The following GGA3 variants were observed in gnomAD, a reference collection of about 807,000 sequenced individuals.
GGA3 encodes ADP-ribosylation factor-binding protein GGA3.
GGA3 carries 57 observed loss-of-function variants against 77.5 expected under a neutral mutation model. That is an observed-to-expected ratio of 0.74 (90% CI 0.59 to 0.92). The LOEUF (loss-of-function observed/expected upper bound fraction) is 0.92. GGA3 is among the 40% of genes least tolerant of loss of function. GGA3 has a pLI of 0.00. For synonymous variants in GGA3, 416 were observed against 383.7 expected (o/e 1.08, Z -0.98); for missense variants, 970 against 914.9 (o/e 1.06, Z -0.78).
intron 6 of GGA3, 74 bp downstream of exon 6, chr17:75,242,989 C>T: frequency 2.0e-6 from 3 of 1,487,020 alleles, no homozygotes; most frequent in Non-Finnish European, 2.8e-6. Context: ...CTCCCCGCAG[C>T]ACAGTGCAAA....
chr17:75,240,308 C>G (rs199858640), intron 12 of GGA3, 34 bp downstream of exon 12: 245 of 1,457,578 alleles, frequency 1.7e-4, no homozygotes, highest in Non-Finnish European at 2.1e-4. Context: ...AGGTCCTTGG[C>G]ACAGTAGTGC....
In GGA3 at chr17:75,237,594, T is replaced by G; in HGVS notation, c.*685A>C. 1 of 1,533,976 alleles carries G rather than the reference T, an allele frequency of 6.5e-7. No individual in the cohort carries two copies. The highest frequency in any genetic ancestry group is 8.7e-7 in the Non-Finnish European group (1 of 1,145,632). On this transcript the variant is annotated 3_prime_UTR_variant, in exon 17 of 17. Coordinates refer to ENST00000537686, the MANE Select transcript of GGA3 (RefSeq NM_138619.4). ...TTCCTATCCCTAGTTGGGCCTGTCA[T>G]GAGGCCAAATTCCATGTCCTGCCAA...
intron 1 of GGA3, among the ~76,000 whole-genome samples, chr17:75,252,912 C>G (rs936460393): frequency 2.6e-5 from 4 of 152,200 alleles, no homozygotes; most frequent in Non-Finnish European, 5.9e-5. Flanking sequence ...TATCCCAAAA[C>G]CTATAAGAAC....
rs2076615516 is a variant in GGA3, at chr17:75,242,913, TGA to T, written c.529-4_529-3del. ...GCTTTTCAGCAGCTTGGCTAAAAGC[TGA>T]GAGAGGAGGAAATCAGAGGTGAAGG... is the stretch of plus-strand genomic sequence containing the variant. On this transcript the variant is annotated splice_region_variant and splice_polypyrimidine_tract_variant and intron_variant, in intron 6 of 16. Coordinates refer to ENST00000537686, the MANE Select transcript of GGA3 (RefSeq NM_138619.4). The T allele has an allele frequency of 2.5e-6, 4 of 1,612,116 alleles. No individual in the cohort carries two copies. Among genetic ancestry groups the T allele is most frequent in the Non-Finnish European group, 2.5e-6 (3 of 1,178,294 alleles).
rs1187457448 is a variant in GGA3 at position 75,240,049 on chromosome 17, G to A, written c.1323C>T (p.Ala441=). The A allele has an allele frequency of 6.4e-7, 1 of 1,552,106 alleles. No individual in the cohort carries two copies. The highest frequency in any genetic ancestry group is 2.4e-5 in the East Asian group (1 of 41,258). The change falls in exon 13 of 17, where the codon GCC becomes GCT. Residue 441 remains alanine (A), a synonymous_variant. Coordinates refer to ENST00000537686, the MANE Select transcript of GGA3 (RefSeq NM_138619.4). ...SPRPGTAACG[A]SDAPLLQPSA... is the part of the protein sequence containing the mutation. Reference sequence around the variant, plus strand: ...AGGGCTGGAGCAGAGGAGCATCGGAGGCGCCACAGGCAGCGGTCCCCGGCC... The same window carrying A: ...AGGGCTGGAGCAGAGGAGCATCGGAAGCGCCACAGGCAGCGGTCCCCGGCC...
At position 75,237,503 on chromosome 17, in the gene GGA3, C is replaced by A; in HGVS notation, c.*776G>T. ...TGGCCTGTCCCCACGGCTGGAGGCA[C>A]GCTTTTCCCAGAAAGCTGAGTACCT... On this transcript the variant is annotated 3_prime_UTR_variant, in exon 17 of 17. Transcript: ENST00000537686. The A allele has an allele frequency of 6.5e-7, 1 of 1,535,904 alleles. No individual in the cohort carries two copies. Among genetic ancestry groups the A allele is most frequent in the Non-Finnish European group, 8.7e-7 (1 of 1,146,746 alleles).
rs753281600 is a variant in GGA3 at position 75,239,850 on chromosome 17, A to G, written c.1522T>C (p.Leu508=). 5.0e-6 allele frequency: 8 copies of G among 1,613,876 alleles called. No homozygotes were observed. The African/African-American group carries it at 9.3e-5, about 19-fold the overall frequency. The change falls in exon 13 of 17, where the codon TTG becomes CTG. Residue 508 remains leucine, a synonymous_variant. Coordinates refer to ENST00000537686, the MANE Select transcript of GGA3 (RefSeq NM_138619.4). The stretch of plus-strand genomic sequence containing the variant: ...AGGTGGTGCAGCGCGCTGTTGCCCA[A>G]CGCCAAGCCATGGTGCCCAGGGACT... ...PAVPGHHGLA[L]GNSALHHLDA...
intron 1 of GGA3, among the ~76,000 whole-genome samples, chr17:75,250,491 G>A (rs2076923307): frequency 6.6e-6 from 1 of 152,166 alleles, no homozygotes; most frequent in African/African-American, 2.4e-5. Flanking sequence ...GGCTGGATGC[G>A]GTGGCTCACG....
At chr17:75,255,672 G>A (rs55833585) in intron 1 of GGA3, among the ~76,000 whole-genome samples, 62 of 152,000 alleles carry the variant, frequency 4.1e-4, no homozygotes, top group South Asian at 1.0e-3. Context: ...CATTTTACCT[G>A]TCCTAAAACC....
chr17:75,248,865 A>G, intron 1 of GGA3: 2 of 984,034 alleles, frequency 2.0e-6, no homozygotes, highest in Non-Finnish European at 2.4e-6. Flanking sequence ...ATCATAACAG[A>G]GACTCCAGCT....
chr17:75,256,098 C>T lies in GGA3; in HGVS notation c.40+5450G>A, dbSNP rs562377015. 2.0e-5 allele frequency among the ~76,000 whole-genome samples: 3 copies of T among 152,276 alleles called. No homozygotes were observed. The East Asian group carries it at 5.8e-4, about 29-fold the overall frequency. ...TCCCTTACAAAACAACAACTCCTTTCCTTCCTAGGCATGGTTAGTGTGTCA... is the reference window on the plus strand; with the variant it reads ...TCCCTTACAAAACAACAACTCCTTTTCTTCCTAGGCATGGTTAGTGTGTCA... On this transcript the variant is annotated intron_variant, in intron 1 of 16. Coordinates refer to ENST00000537686, the MANE Select transcript of GGA3 (RefSeq NM_138619.4).
chr17:75,238,000 T>G lies in GGA3; in HGVS notation c.*279A>C, dbSNP rs1011145106. On this transcript the variant is annotated 3_prime_UTR_variant, in exon 17 of 17. Coordinates refer to ENST00000537686, the MANE Select transcript of GGA3 (RefSeq NM_138619.4). The stretch of plus-strand genomic sequence containing the variant: ...CACCTACGCCAAGCCTGGGGGTCCA[T>G]GTTCCCGGGACAGCAGTGAAGTCAG... 5 of 1,207,266 alleles carry G rather than the reference T, an allele frequency of 4.1e-6. No homozygotes were observed. Among genetic ancestry groups the G allele is most frequent in the African/African-American group, 3.3e-5 (2 of 61,376 alleles). The allele number at this position is 1,207,266 out of a possible 1,614,324, so 74.8% of individuals were successfully genotyped here.
chr17:75,253,386 C>G (rs955181115), intron 1 of GGA3, among the ~76,000 whole-genome samples: 2 of 152,206 alleles, frequency 1.3e-5, no homozygotes, highest in African/African-American at 4.8e-5. Context: ...GGGAAGGCAG[C>G]CTTTCCTTGG....
Position 75,238,325 on chromosome 17 carries a change from C to G in GGA3, c.2126G>C (p.Gly709Ala), listed in dbSNP as rs762779187. 1.9e-6 allele frequency: 3 copies of G among 1,613,878 alleles called. No individual in the cohort carries two copies. The highest frequency in any genetic ancestry group is 1.1e-5 in the South Asian group (1 of 91,082). The change falls in exon 17 of 17, where the codon GGC becomes GCC. Residue 709 changes from glycine to alanine, a missense_variant. Coordinates refer to ENST00000537686, the MANE Select transcript of GGA3 (RefSeq NM_138619.4). ...CACAGGAGGGAACTGGTCCACCTCGCCCACCTCTGTGCTCAGCTGCTCCCC... is the reference window on the plus strand; with the variant it reads ...CACAGGAGGGAACTGGTCCACCTCGGCCACCTCTGTGCTCAGCTGCTCCCC... ...ALGEQLSTEV[G>A]EVDQFPPVEQ...
At chr17:75,260,377 CTAATT>C (rs1187483279) in intron 1 of GGA3, among the ~76,000 whole-genome samples, 1 of 152,134 alleles carries the variant, frequency 6.6e-6, no homozygotes, top group East Asian at 1.9e-4. Flanking sequence ...ACTTGGTAAA[CTAATT>C]TAATGAATAT....
intron 7 of GGA3, 61 bp downstream of exon 7, chr17:75,242,770 G>A: frequency 7.4e-7 from 1 of 1,350,430 alleles, no homozygotes; most frequent in Admixed American, 1.7e-5. Flanking sequence ...GGGCAAAGCG[G>A]CTTCTGCTGT....
chr17:75,237,800 G>T lies in GGA3; in HGVS notation c.*479C>A. 9 of 1,429,020 alleles carry T rather than the reference G, an allele frequency of 6.3e-6. No individual in the cohort carries two copies. The highest frequency in any genetic ancestry group is 8.2e-6 in the Non-Finnish European group (9 of 1,096,706). 88.5% of individuals were successfully genotyped at this position (1,429,020 alleles called of 1,614,324 possible). The stretch of plus-strand genomic sequence containing the variant: ...TCCCTGGGGATGGCAGCAGGAGCTG[G>T]TTGGCGGGGGAAGCATGGAATTGCA... On this transcript the variant is annotated 3_prime_UTR_variant, in exon 17 of 17. Transcript: ENST00000537686.
At chr17:75,261,294 C>T (rs1358730161) in intron 1 of GGA3, among the ~76,000 whole-genome samples, 8 of 152,266 alleles carry the variant, frequency 5.3e-5, no homozygotes, top group Non-Finnish European at 1.2e-4. Flanking sequence ...GCCTGCGGTG[C>T]CCGACAGGAG....
intron 1 of GGA3, among the ~76,000 whole-genome samples, chr17:75,256,863 A>T (rs897600921): frequency 2.0e-5 from 3 of 152,134 alleles, no homozygotes; most frequent in African/African-American, 4.8e-5. Context: ...TCACTAGGTA[A>T]GTAGAGGCCT....
Sources: allele counts gnomAD v4.1 joint callset (sites outside exome capture counted in the v4.1 genomes callset), GRCh38; gene constraint gnomAD v4.1.1; transcripts MANE v1.5; gene names NCBI Gene and HGNC (gene_info 2026-07-23, HGNC 2026-07-21).